The following GABRB1 variants were observed in gnomAD, a reference collection of about 807,000 sequenced individuals.
GABRB1 encodes gamma-aminobutyric acid type A receptor subunit beta1, also known as gamma-aminobutyric acid receptor subunit beta-1.
A neutral mutation model predicts 51.6 loss-of-function variants in GABRB1; 17 were observed. The ratio of observed to expected loss-of-function variants is 0.33; its 90% CI spans 0.23 to 0.49. The LOEUF is 0.49. Among genes scored for constraint, GABRB1 ranks in the 20% least tolerant of loss-of-function variants. The probability of loss-of-function intolerance (pLI) is 0.99; values close to 1 mark genes in which losing one functional copy is unlikely to be tolerated. For synonymous variants in GABRB1, 247 were observed against 218.9 expected (o/e 1.13, Z -1.14); for missense variants, 410 against 600.6 (o/e 0.68, Z 3.32).
At chr4:47,422,417 C>T (rs1253458582) in intron 8 of GABRB1, among the ~76,000 whole-genome samples, 1 of 152,150 alleles carries the variant, frequency 6.6e-6, no homozygotes, top group Non-Finnish European at 1.5e-5. Context: ...CTCCTCCTTG[C>T]TACCAATTCA....
At chr4:47,077,951 ATATATTT>A (rs1395656898) in intron 3 of GABRB1, among the ~76,000 whole-genome samples, 32 of 94,894 alleles carry the variant, frequency 3.4e-4, no homozygotes, top group African/African-American at 1.1e-3. Context: ...TATATATATT[ATATATTT>A]TATATATATA....
chr4:47,248,670 A>G (rs910162659), intron 4 of GABRB1, among the ~76,000 whole-genome samples: 2 of 151,784 alleles, frequency 1.3e-5, no homozygotes, highest in Non-Finnish European at 2.9e-5. Context: ...TTAAATTACT[A>G]TTTGAATCTC....
At chr4:47,175,038 T>C (rs182469226) in intron 4 of GABRB1, among the ~76,000 whole-genome samples, 23 of 140,436 alleles carry the variant, frequency 1.6e-4, no homozygotes, top group African/African-American at 5.5e-4. Context: ...CCTTCCTCCC[T>C]CCCTCCTTCC....
At chr4:47,116,828 A>G (rs1715503561) in intron 3 of GABRB1, among the ~76,000 whole-genome samples, 1 of 152,148 alleles carries the variant, frequency 6.6e-6, no homozygotes, top group South Asian at 2.1e-4. Flanking sequence ...AGGAAGTATG[A>G]TTGGGGAGGC....
rs949418955 is a variant in GABRB1 at position 47,205,844 on chromosome 4, G to A, written c.461+44375G>A. Among the ~76,000 whole-genome samples, 8 of 151,950 alleles carry A rather than the reference G, an allele frequency of 5.3e-5. No individual in the cohort carries two copies. In the East Asian group the frequency reaches 7.7e-4, roughly 15 times the overall value. On this transcript the variant is annotated intron_variant, in intron 4 of 8. Coordinates refer to ENST00000295454, the MANE Select transcript of GABRB1 (RefSeq NM_000812.4). ...ATTTTAAGAAAATTTTGCTAAATAC[G>A]GTATTTTGGGGAGATGAGTGGTTTT...
intron 4 of GABRB1, among the ~76,000 whole-genome samples, chr4:47,189,378 C>A (rs1008453561): frequency 2.6e-5 from 4 of 151,732 alleles, no homozygotes. Flanking sequence ...TAACAAACCT[C>A]TTTCTGGGAT....
chr4:47,020,176 A>G (rs138500398), intron 1 of GABRB1, among the ~76,000 whole-genome samples: 5 of 152,172 alleles, frequency 3.3e-5, no homozygotes, highest in East Asian at 3.9e-4. Context: ...GTGCATGAGC[A>G]TGTATGGTGT....
At chr4:47,402,117 T>G (rs1489918287) in intron 5 of GABRB1, among the ~76,000 whole-genome samples, 1 of 152,206 alleles carries the variant, frequency 6.6e-6, no homozygotes, top group African/African-American at 2.4e-5. Context: ...TTGTTTTCCT[T>G]TTTAAAAGCG....
intron 5 of GABRB1, among the ~76,000 whole-genome samples, chr4:47,345,787 AAT>A (rs546076404): frequency 1.2e-3 from 178 of 152,292 alleles, no homozygotes; most frequent in South Asian, 3.7e-3. Flanking sequence ...ACAGGAACAC[AAT>A]AGTTTATTCA....
intron 3 of GABRB1, among the ~76,000 whole-genome samples, chr4:47,138,132 C>T (rs1716756006): frequency 6.6e-6 from 1 of 152,024 alleles, no homozygotes; most frequent in Admixed American, 6.6e-5. Flanking sequence ...ATTGATGGGA[C>T]TCTATGGTCT....
At chr4:47,113,386 CAA>C (rs760542350) in intron 3 of GABRB1, among the ~76,000 whole-genome samples, 11 of 107,058 alleles carry the variant, frequency 1.0e-4, no homozygotes, top group Admixed American at 1.0e-4. Context: ...ACTTCGTCTC[CAA>C]AAAAAAAAAA....
At chr4:47,181,149 C>T (rs1455360227) in intron 4 of GABRB1, among the ~76,000 whole-genome samples, 2 of 151,962 alleles carry the variant, frequency 1.3e-5, no homozygotes, top group African/African-American at 4.8e-5. Context: ...CCTTTTATAG[C>T]TCCTACTAGT....
At chr4:47,088,333 C>A (rs1357240348) in intron 3 of GABRB1, among the ~76,000 whole-genome samples, 4 of 152,162 alleles carry the variant, frequency 2.6e-5, no homozygotes, top group Non-Finnish European at 5.9e-5. Context: ...GACTGAGATA[C>A]AAGCATCTGG....
At chr4:47,282,066 T>A (rs183633426) in intron 4 of GABRB1, among the ~76,000 whole-genome samples, 6 of 152,186 alleles carry the variant, frequency 3.9e-5, no homozygotes, top group African/African-American at 1.4e-4. Context: ...AAAGATGAAT[T>A]GTTAAAATGA....
intron 4 of GABRB1, among the ~76,000 whole-genome samples, chr4:47,164,200 T>G (rs571159741): frequency 7.2e-5 from 11 of 152,054 alleles, no homozygotes; most frequent in African/African-American, 2.4e-4. Context: ...CAATTCAAGA[T>G]GAGATTTGGG....
rs1316338379 is a variant in GABRB1, at chr4:47,378,328, G to GGGCC, written c.545-24980_545-24977dup. On this transcript the variant is annotated intron_variant, in intron 5 of 8. Transcript: ENST00000295454. ...CCCCTCATTGCCTGGCGCGCCGGCAGGGCCGGCCGGCCGCTCCAAGTGCGG... is the reference window on the plus strand; with the variant it reads ...CCCCTCATTGCCTGGCGCGCCGGCAGGGCCGGCCGGCCGGCCGCTCCAAGTGCGG... 4.6e-5 allele frequency among the ~76,000 whole-genome samples: 7 copies of GGGCC among 152,344 alleles called. No homozygotes were observed. In the East Asian group the frequency reaches 1.4e-3, roughly 29 times the overall value.
intron 4 of GABRB1, among the ~76,000 whole-genome samples, chr4:47,284,494 T>A (rs1017380735): frequency 6.6e-6 from 1 of 152,240 alleles, no homozygotes; most frequent in African/African-American, 2.4e-5. Flanking sequence ...CACTCTACTA[T>A]GTAGACAAGA....
chr4:47,150,690 C>A (rs952854770), intron 3 of GABRB1, among the ~76,000 whole-genome samples: 5 of 151,666 alleles, frequency 3.3e-5, no homozygotes, highest in Non-Finnish European at 5.9e-5. Context: ...AGCAAAAATA[C>A]ACAAAATTGC....
chr4:47,401,382 G>A (rs1430497561), intron 5 of GABRB1, among the ~76,000 whole-genome samples: 1 of 152,162 alleles, frequency 6.6e-6, no homozygotes, highest in African/African-American at 2.4e-5. Context: ...TCCCCTTAAA[G>A]GACTGAGATG....
Sources: allele counts gnomAD v4.1 joint callset (sites outside exome capture counted in the v4.1 genomes callset), GRCh38; gene constraint gnomAD v4.1.1; transcripts MANE v1.5; gene names NCBI Gene and HGNC (gene_info 2026-07-23, HGNC 2026-07-21).